Variants in ZNF483 observed in about 807,000 individuals in gnomAD.
The protein encoded by ZNF483 is zinc finger protein HIT-10.
A neutral mutation model predicts 28.6 loss-of-function variants in ZNF483; 9 were observed. That is an observed-to-expected ratio of 0.32 (90% CI 0.19 to 0.55). The LOEUF (loss-of-function observed/expected upper bound fraction) is 0.55. ZNF483 is among the 20% of genes least tolerant of loss of function. The probability of loss-of-function intolerance (pLI) is 0.93; values close to 1 mark genes in which losing one functional copy is unlikely to be tolerated. For missense variants in ZNF483, 675 were observed against 871.7 expected (o/e 0.77, Z 2.84); for synonymous variants, 322 against 306.2 (o/e 1.05, Z -0.54).
chr9:111,527,910 T>A, intron 2 of ZNF483, 103 bp downstream of exon 2: 1 of 1,588,018 alleles, frequency 6.3e-7, no homozygotes, highest in Non-Finnish European at 8.6e-7. Flanking sequence ...GAGTCTGAGG[T>A]TAGAAGTTGG....
chr9:111,533,326 T>G (rs1185127525), intron 3 of ZNF483, among the ~76,000 whole-genome samples: 4 of 152,194 alleles, frequency 2.6e-5, no homozygotes. Flanking sequence ...ATAGAATGAT[T>G]AGCCGCTCCG....
chr9:111,564,875 G>C (rs1481508092), intron 5 of ZNF483, among the ~76,000 whole-genome samples: 1 of 152,036 alleles, frequency 6.6e-6, no homozygotes, highest in African/African-American at 2.4e-5. Context: ...TGTAATCCCA[G>C]CACTTTGGGA....
rs1827691568 is a variant in ZNF483 at position 111,542,241 on chromosome 9, G to GA, written c.1312dup (p.Thr438AsnfsTer3). On this transcript the variant is annotated frameshift_variant, in exon 6 of 6. Coordinates refer to ENST00000309235, the MANE Select transcript of ZNF483 (RefSeq NM_133464.5). LOFTEE classifies it low-confidence loss of function (END_TRUNC). The surrounding 1 kb of genome is among the most constrained non-coding windows in gnomAD (Gnocchi z 6.2). ...TAAAGATGAGGGAAATGAGAGTGGA[G>GA]AAAAAACTCATAAATGTAGTAAGTG... 6.2e-7 allele frequency: 1 copy of GA among 1,614,056 alleles called. No individual in the cohort carries two copies. Among genetic ancestry groups the GA allele is most frequent in the Non-Finnish European group, 8.5e-7 (1 of 1,179,988 alleles).
At position 111,547,692 on chromosome 9, in the gene ZNF483, C is replaced by T. The variant is rs1010417750; in HGVS notation, c.*4522C>T. ...TTTTTCTTTTGTTTCCTGTGCTTTT[C>T]TGGTCATACCCAAGAAACCATGGCC... On this transcript the variant is annotated 3_prime_UTR_variant, in exon 6 of 6. Coordinates refer to ENST00000309235, the MANE Select transcript of ZNF483 (RefSeq NM_133464.5). 1.3e-5 allele frequency among the ~76,000 whole-genome samples: 2 copies of T among 151,994 alleles called. No homozygotes were observed. The highest frequency in any genetic ancestry group is 2.9e-5 in the Non-Finnish European group (2 of 67,964).
At chr9:111,572,225 GA>G (rs1043998208) in intron 5 of ZNF483, among the ~76,000 whole-genome samples, 2 of 152,210 alleles carry the variant, frequency 1.3e-5, no homozygotes, top group Non-Finnish European at 2.9e-5. Flanking sequence ...GAATGAGACA[GA>G]AAGAGTGCTT....
At position 111,527,800 on chromosome 9, in the gene ZNF483, A is replaced by T. The variant is rs1311088583; in HGVS notation, c.405A>T (p.Glu135Asp). 6.2e-7 allele frequency: 1 copy of T among 1,614,180 alleles called. No homozygotes were observed. The highest frequency in any genetic ancestry group is 1.7e-5 in the Admixed American group (1 of 60,012). The change falls in exon 2 of 6, where the codon GAA becomes GAT. Residue 135 changes from glutamate (E) to aspartate (D), a missense_variant. Physicochemically the swap from Glu to Asp is conservative, Grantham distance 45 (BLOSUM62 2). Around this residue, in one of 6 missense-constraint regions of ZNF483, gnomAD observed 525 missense variants for 581.8 expected, o/e 0.90. Coordinates refer to ENST00000309235, the MANE Select transcript of ZNF483 (RefSeq NM_133464.5). Reference sequence around the variant, plus strand: ...TAGAAGATTTGACCCAGATGCTTGAAGAAAAAGGTGAGATTTATAGATGGA... The same window carrying T: ...TAGAAGATTTGACCCAGATGCTTGATGAAAAAGGTGAGATTTATAGATGGA... ...TLIEDLTQML[E>D]EKDPVSQDST...
At chr9:111,570,138 C>T in intron 5 of ZNF483, 2 of 1,614,140 alleles carry the variant, frequency 1.2e-6, no homozygotes, top group African/African-American at 2.7e-5. Context: ...TGGCGGGCAT[C>T]TCCTTGCCAG....
At chr9:111,574,881 A>G (rs1405912852) in intron 5 of ZNF483, 1 of 1,437,634 alleles carries the variant, frequency 7.0e-7, no homozygotes, top group Non-Finnish European at 9.7e-7. Flanking sequence ...AATAATCTAA[A>G]TACTAGAGAT....
downstream of ZNF483, among the ~76,000 whole-genome samples, chr9:111,557,248 C>T (rs1330560938): frequency 1.3e-5 from 2 of 151,872 alleles, no homozygotes; most frequent in Admixed American, 1.3e-4. Context: ...ATGGCATGCA[C>T]CTGTAATCCC....
chr9:111,551,408 T>G lies in ZNF483; in HGVS notation c.*8238T>G, dbSNP rs56777491. Among the ~76,000 whole-genome samples the G allele has an allele frequency of 2.3e-3, 305 of 134,200 alleles. 2 individuals are homozygous for G. Among genetic ancestry groups the G allele is most frequent in the South Asian group, 0.011 (45 of 3,972 alleles). The allele number at this position is 134,200 out of a possible 152,430, so 88.0% of individuals were successfully genotyped here. On this transcript the variant is annotated 3_prime_UTR_variant, in exon 6 of 6. Coordinates refer to ENST00000309235, the MANE Select transcript of ZNF483 (RefSeq NM_133464.5). ...TCAAGTATCCAGTTTTTGTTTTTTT[T>G]TTTTTTTTTTTTTTTTTGAGATGGA...
At chr9:111,556,057 TAGAAC>T (rs1203223916), downstream of ZNF483, among the ~76,000 whole-genome samples, 1 of 152,180 alleles carries the variant, frequency 6.6e-6, no homozygotes, top group Non-Finnish European at 1.5e-5. Flanking sequence ...ACTTCCAAGA[TAGAAC>T]AGGGGTACAG....
At chr9:111,529,595 G>A (rs1259332611) in intron 2 of ZNF483, among the ~76,000 whole-genome samples, 1 of 152,236 alleles carries the variant, frequency 6.6e-6, no homozygotes, top group East Asian at 1.9e-4. Flanking sequence ...AGAATACACA[G>A]TTTTACCTTA....
chr9:111,573,080 G>A (rs1200132403), intron 5 of ZNF483, among the ~76,000 whole-genome samples: 1 of 152,174 alleles, frequency 6.6e-6, no homozygotes, highest in Non-Finnish European at 1.5e-5. Context: ...GACAAGGCCA[G>A]CTGACATCTC....
chr9:111,560,944 A>AATATATAT (rs746101013), intron 5 of ZNF483, among the ~76,000 whole-genome samples: 2 of 31,226 alleles, frequency 6.4e-5, no homozygotes, highest in African/African-American at 2.9e-4. Flanking sequence ...CTCCATCTAA[A>AATATATAT]ATATATATAT....
At chr9:111,565,788 G>T (rs1828536299) in intron 5 of ZNF483, among the ~76,000 whole-genome samples, 1 of 152,058 alleles carries the variant, frequency 6.6e-6, no homozygotes, top group Non-Finnish European at 1.5e-5. Context: ...CCCTCCTAAA[G>T]TGCTGGGATT....
chr9:111,553,187 C>G lies in ZNF483; in HGVS notation c.*10017C>G, dbSNP rs539718538. Among the ~76,000 whole-genome samples, 60 of 152,230 alleles carry G rather than the reference C, an allele frequency of 3.9e-4. No homozygotes were observed. The highest frequency in any genetic ancestry group is 9.2e-4 in the Admixed American group (14 of 15,278). ...TATTATCTACTATGTATCTTTAACACTTTTGAATAGAACAAACAGCTTTTC... is the reference window on the plus strand; with the variant it reads ...TATTATCTACTATGTATCTTTAACAGTTTTGAATAGAACAAACAGCTTTTC... On this transcript the variant is annotated 3_prime_UTR_variant, in exon 6 of 6. Transcript: ENST00000309235.
chr9:111,543,173 C>G lies in ZNF483; in HGVS notation c.*3C>G. On this transcript the variant is annotated 3_prime_UTR_variant, in exon 6 of 6. Coordinates refer to ENST00000309235, the MANE Select transcript of ZNF483 (RefSeq NM_133464.5). ...GGGGATTTCACTCTGCAGAGTAATC[C>G]TGGAACTACATTAAAGTGGGGGGAA... 4 of 1,586,224 alleles carry G rather than the reference C, an allele frequency of 2.5e-6. No individual in the cohort carries two copies. Among genetic ancestry groups the G allele is most frequent in the Non-Finnish European group, 3.4e-6 (4 of 1,167,586 alleles).
chr9:111,533,934 G>C, intron 4 of ZNF483, 69 bp downstream of exon 4: 1 of 1,556,384 alleles, frequency 6.4e-7, no homozygotes, highest in Non-Finnish European at 8.6e-7. Flanking sequence ...TTTATTGAAA[G>C]GTAAGTGCTG....
chr9:111,574,818 CAG>C, intron 5 of ZNF483: 1 of 1,613,704 alleles, frequency 6.2e-7, no homozygotes, highest in Middle Eastern at 1.7e-4. Flanking sequence ...TGGCCGATAA[CAG>C]TGTTTGAAAA....
Sources: gnomAD v4.1 joint callset for allele counts (sites outside exome capture counted in the v4.1 genomes callset) on GRCh38, gnomAD v4.1.1 for gene constraint, gnomAD v4.1.1 regional missense constraint, Gnocchi (gnomAD v3.1) non-coding constraint, MANE v1.5 for transcripts, NCBI Gene and HGNC (gene_info 2026-07-23, HGNC 2026-07-21) for gene names.